Variants in KANK1 observed in about 807,000 individuals in gnomAD.
KANK1 encodes KN motif and ankyrin repeat domain-containing protein 1.
A neutral mutation model predicts 106.2 loss-of-function variants in KANK1; 109 were observed. The ratio of observed to expected loss-of-function variants is 1.03; its 90% confidence interval spans 0.88 to 1.20. The LOEUF (loss-of-function observed/expected upper bound fraction) is 1.20. KANK1 is among the 50% of genes most tolerant of loss of function. The pLI, the probability that KANK1 is intolerant of heterozygous loss-of-function variation, is 0.00. For synonymous variants in KANK1, 873 were observed against 652.2 expected (o/e 1.34, Z -5.16); for missense variants, 2,399 against 1,710.7 (o/e 1.40, Z -7.10).
chr9:728,089 C>T (rs937491073), intron 3 of KANK1, among the ~76,000 whole-genome samples: 17 of 152,154 alleles, frequency 1.1e-4, no homozygotes, highest in Non-Finnish European at 2.2e-4. Context: ...TAACAAATTC[C>T]AACCTGACTC....
intron 2 of KANK1, among the ~76,000 whole-genome samples, chr9:705,601 G>A (rs779542751): frequency 1.3e-5 from 2 of 151,528 alleles, no homozygotes; most frequent in East Asian, 3.9e-4. Context: ...ATTTTTTTTG[G>A]GGGGGTGGGG....
chr9:535,179 G>C (rs779157846), intron 1 of KANK1, among the ~76,000 whole-genome samples: 6 of 152,018 alleles, frequency 3.9e-5, no homozygotes, highest in Non-Finnish European at 8.8e-5. Flanking sequence ...TTCTTTCTCT[G>C]TTGCCTAGGG....
intron 1 of KANK1, among the ~76,000 whole-genome samples, chr9:603,518 C>T (rs900208952): frequency 2.6e-5 from 4 of 151,806 alleles, no homozygotes; most frequent in Non-Finnish European, 5.9e-5. Flanking sequence ...AGAGACATCA[C>T]ATTGACATTC....
At chr9:672,213 A>G (rs1426217543) in intron 1 of KANK1, among the ~76,000 whole-genome samples, 1 of 152,214 alleles carries the variant, frequency 6.6e-6, no homozygotes, top group Non-Finnish European at 1.5e-5. Context: ...AGCAAGTTCT[A>G]AAACTCCCTG....
intron 3 of KANK1, among the ~76,000 whole-genome samples, chr9:729,453 A>T (rs533328769): frequency 6.6e-6 from 1 of 152,316 alleles, no homozygotes; most frequent in African/African-American, 2.4e-5. Flanking sequence ...CAGGTAGTAG[A>T]AGGGCATAAG....
chr9:564,226 ATTTT>A (rs969292081), intron 1 of KANK1, among the ~76,000 whole-genome samples: 1 of 151,560 alleles, frequency 6.6e-6, no homozygotes, highest in Non-Finnish European at 1.5e-5. Flanking sequence ...CGCCCGGCTA[ATTTT>A]TTTGTGTTTT....
At chr9:681,421 C>G (rs749734411) in intron 2 of KANK1, among the ~76,000 whole-genome samples, 5 of 152,004 alleles carry the variant, frequency 3.3e-5, no homozygotes, top group Non-Finnish European at 7.4e-5. Context: ...CCCCAAGTTT[C>G]TGAATCATGT....
chr9:611,217 C>G (rs1344609154), intron 1 of KANK1, among the ~76,000 whole-genome samples: 1 of 152,172 alleles, frequency 6.6e-6, no homozygotes, highest in Non-Finnish European at 1.5e-5. Context: ...GTCCAGCCCA[C>G]AGCTTTCTAC....
chr9:695,899 ACTT>A (rs1433971897), intron 2 of KANK1, among the ~76,000 whole-genome samples: 1 of 152,138 alleles, frequency 6.6e-6, no homozygotes, highest in East Asian at 1.9e-4. Flanking sequence ...CCTCTGTTAT[ACTT>A]ATTCATCAGT....
At chr9:575,616 A>T (rs2135059826) in intron 1 of KANK1, among the ~76,000 whole-genome samples, 1 of 152,120 alleles carries the variant, frequency 6.6e-6, no homozygotes, top group East Asian at 1.9e-4. Context: ...GGCTGCAGTT[A>T]GCCATGATCA....
intron 1 of KANK1, among the ~76,000 whole-genome samples, chr9:576,999 A>G (rs1820737433): frequency 6.6e-6 from 1 of 152,150 alleles, no homozygotes; most frequent in Non-Finnish European, 1.5e-5. Context: ...TGTTCAGATG[A>G]GTCCTTAGTT....
At chr9:686,396 G>GA (rs1818565437) in intron 2 of KANK1, among the ~76,000 whole-genome samples, 1 of 152,166 alleles carries the variant, frequency 6.6e-6, no homozygotes, top group Admixed American at 6.5e-5. Context: ...AGAGGAGGCA[G>GA]AAGTACCTGC....
intron 1 of KANK1, among the ~76,000 whole-genome samples, chr9:569,808 A>G (rs965391057): frequency 6.7e-6 from 1 of 148,496 alleles, no homozygotes; most frequent in African/African-American, 2.5e-5. Context: ...TTTTGTAATC[A>G]TTTTTCAAAC....
At chr9:582,734 C>A (rs1341355616) in intron 1 of KANK1, among the ~76,000 whole-genome samples, 8 of 152,210 alleles carry the variant, frequency 5.3e-5, no homozygotes, top group Non-Finnish European at 1.2e-4. Flanking sequence ...GAGTAACCAG[C>A]ATATTACAGA....
At chr9:672,075 A>T (rs896480888) in intron 1 of KANK1, among the ~76,000 whole-genome samples, 1 of 152,224 alleles carries the variant, frequency 6.6e-6, no homozygotes, top group East Asian at 1.9e-4. Flanking sequence ...TGCATCACTC[A>T]TTTATGCCCT....
chr9:549,845 C>T (rs17344772), intron 1 of KANK1: 16,277 of 152,186 alleles, frequency 0.11, 1,193 homozygotes, highest in Non-Finnish European at 0.15. Flanking sequence ...CCGGTTCTTC[C>T]TGGGACTGCT....
intron 1 of KANK1, among the ~76,000 whole-genome samples, chr9:655,706 T>C (rs1266842430): frequency 6.6e-6 from 1 of 152,206 alleles, no homozygotes; most frequent in Non-Finnish European, 1.5e-5. Context: ...TTATATATTT[T>C]TACGTAGTAT....
intron 1 of KANK1, among the ~76,000 whole-genome samples, chr9:557,754 G>A (rs1815216175): frequency 6.6e-6 from 1 of 152,236 alleles, no homozygotes; most frequent in Non-Finnish European, 1.5e-5. Context: ...GTACGGCCAG[G>A]TGTGGTGGCT....
intron 3 of KANK1, chr9:477,787 G>A (rs910328907): frequency 3.3e-5 from 5 of 152,254 alleles, no homozygotes; most frequent in African/African-American, 1.2e-4. Flanking sequence ...GGGCCTCTTG[G>A]CTTGGAGGAA....
Sources: allele counts gnomAD v4.1 joint callset (sites outside exome capture counted in the v4.1 genomes callset), GRCh38; gene constraint gnomAD v4.1.1; transcripts MANE v1.5; gene names NCBI Gene and HGNC (gene_info 2026-07-23, HGNC 2026-07-21).